Variants in MFAP3L observed in about 807,000 individuals in gnomAD.
MFAP3L encodes microfibril associated protein 3 like, also known as microfibrillar-associated protein 3-like.
Under a neutral mutation model 20.0 loss-of-function variants are expected in MFAP3L, and 5 were observed. That is an observed-to-expected ratio of 0.25 (90% CI 0.13 to 0.53). The LOEUF is 0.53. Among genes scored for constraint, MFAP3L ranks in the 20% least tolerant of loss-of-function variants. MFAP3L has a pLI of 0.96. For missense variants in MFAP3L, 409 were observed against 527.5 expected (o/e 0.78, Z 2.20); for synonymous variants, 219 against 213.0 (o/e 1.03, Z -0.25).
chr4:170,024,541 C>A (rs1740234876), intron 1 of MFAP3L, among the ~76,000 whole-genome samples: 1 of 152,134 alleles, frequency 6.6e-6, no homozygotes, highest in Non-Finnish European at 1.5e-5. Flanking sequence ...AAGAGAAGCA[C>A]AATTATTCAA....
chr4:169,999,493 A>G (rs1375399331), intron 2 of MFAP3L, among the ~76,000 whole-genome samples: 3 of 152,338 alleles, frequency 2.0e-5, no homozygotes, highest in East Asian at 1.9e-4. Context: ...TCCATAGAAC[A>G]TGGAATCATA....
At chr4:170,018,276 C>T (rs575980374) in intron 1 of MFAP3L, among the ~76,000 whole-genome samples, 3 of 152,130 alleles carry the variant, frequency 2.0e-5, no homozygotes, top group East Asian at 1.9e-4. Context: ...GAAAGAAACA[C>T]GGCACGCAAG....
chr4:170,008,846 G>A (rs184720162), intron 1 of MFAP3L, among the ~76,000 whole-genome samples: 1 of 152,224 alleles, frequency 6.6e-6, no homozygotes, highest in Non-Finnish European at 1.5e-5. Context: ...GACAGCTCCT[G>A]GATAGCAAAA....
intron 2 of MFAP3L, chr4:170,003,543 T>C (rs747799864): frequency 2.6e-4 from 89 of 337,388 alleles, no homozygotes; most frequent in Admixed American, 2.5e-3. Flanking sequence ...TACTACACTT[T>C]GGGATAATCC....
chr4:169,996,029 A>C (rs1424892430), intron 2 of MFAP3L, among the ~76,000 whole-genome samples: 3 of 89,946 alleles, frequency 3.3e-5, no homozygotes, highest in African/African-American at 1.4e-4. Context: ...CCCACCCTGA[A>C]ATACCCTTCC....
At chr4:169,995,160 T>G (rs1208529772) in intron 2 of MFAP3L, 2 of 152,190 alleles carry the variant, frequency 1.3e-5, no homozygotes, top group Non-Finnish European at 2.9e-5. Flanking sequence ...CACTTAGAAT[T>G]CTGGGTGAGA....
intron 1 of MFAP3L, among the ~76,000 whole-genome samples, chr4:170,011,200 A>C (rs1391436176): frequency 1.3e-5 from 2 of 152,214 alleles, no homozygotes; most frequent in Non-Finnish European, 2.9e-5. Flanking sequence ...TTGCTTTATA[A>C]ATTACCCAGT....
intron 2 of MFAP3L, chr4:169,994,204 T>C (rs1271624913): frequency 8.1e-6 from 8 of 985,252 alleles, no homozygotes; most frequent in Non-Finnish European, 9.6e-6. Flanking sequence ...TACCTTCCTT[T>C]TGTTGGAAAA....
Position 170,026,297 on chromosome 4 carries a change from G to A in MFAP3L, c.-197C>T. On this transcript the variant is annotated 5_prime_UTR_variant, in exon 1 of 3. Transcript: ENST00000361618. ...CCTCGCCATGGCCAGCCCGACAGCG[G>A]CCGCTGCGCCGCACTCTGCGCCGGA... The A allele has an allele frequency of 1.0e-6, 1 of 983,840 alleles. No individual in the cohort carries two copies. The highest frequency in any genetic ancestry group is 1.2e-6 in the Non-Finnish European group (1 of 829,286). The allele number at this position is 983,840 out of a possible 1,614,324, so 60.9% of individuals were successfully genotyped here.
intron 1 of MFAP3L, among the ~76,000 whole-genome samples, chr4:170,014,266 G>T (rs1429962296): frequency 1.3e-5 from 2 of 152,154 alleles, no homozygotes; most frequent in Non-Finnish European, 2.9e-5. Context: ...GTGAATTTAT[G>T]TCACCTGCTA....
chr4:169,990,482 T>C lies in MFAP3L; in HGVS notation c.*896A>G, dbSNP rs1310928967. On this transcript the variant is annotated 3_prime_UTR_variant, in exon 3 of 3. Coordinates refer to ENST00000361618, the MANE Select transcript of MFAP3L (RefSeq NM_021647.8). ...ATATATTTTCCAGGTAAAGAATCAG[T>C]CTTTATTTGGAGGATGATGTAACTT... 1 of 152,574 alleles carries C rather than the reference T, an allele frequency of 6.6e-6. No homozygotes were observed. Among genetic ancestry groups the C allele is most frequent in the Admixed American group, 6.6e-5 (1 of 15,266 alleles). The allele number at this position is 152,574 out of a possible 1,614,324, so 9.5% of individuals were successfully genotyped here. A position where few individuals can be genotyped will look rare whatever the true frequency, so the allele number is the denominator to read the frequency against.
chr4:169,991,265 T>G lies in MFAP3L; in HGVS notation c.*113A>C. ...TCTCCTTTTAAAGTGGCATCACTCC[T>G]ACCTAAGGGATGAGAGTCTCCTGGT... On this transcript the variant is annotated 3_prime_UTR_variant, in exon 3 of 3. Transcript: ENST00000361618. The surrounding 1 kb of genome is among the most constrained non-coding windows in gnomAD (Gnocchi z 4.9). The G allele has an allele frequency of 2.6e-6, 3 of 1,144,116 alleles. No homozygotes were observed. The highest frequency in any genetic ancestry group is 3.7e-6 in the Non-Finnish European group (3 of 807,236). The allele number at this position is 1,144,116 out of a possible 1,614,324, so 70.9% of individuals were successfully genotyped here. A position where few individuals can be genotyped will look rare whatever the true frequency, so the allele number is the denominator to read the frequency against.
At chr4:170,022,251 G>C (rs1740081816) in intron 1 of MFAP3L, among the ~76,000 whole-genome samples, 1 of 152,190 alleles carries the variant, frequency 6.6e-6, no homozygotes, top group Non-Finnish European at 1.5e-5. Context: ...GCTGGTTCCA[G>C]ACCTCTACTG....
At chr4:170,001,828 G>A in intron 2 of MFAP3L, 1 of 715,560 alleles carries the variant, frequency 1.4e-6, no homozygotes, top group Non-Finnish European at 1.7e-6. Flanking sequence ...TCACACATTA[G>A]CCTCTCCTGA....
Position 169,991,469 on chromosome 4 carries a change from T to C in MFAP3L, c.1139A>G (p.Asp380Gly). The C allele has an allele frequency of 6.2e-7, 1 of 1,614,182 alleles. No individual in the cohort carries two copies. The highest frequency in any genetic ancestry group is 8.5e-7 in the Non-Finnish European group (1 of 1,180,028). ...SEEPTPVEVPDKVLPPAYLEA... is the reference protein window; with the variant it reads ...SEEPTPVEVPGKVLPPAYLEA... ...CAGGTAAGCTGGCGGCAGTACCTTA[T>C]CTGGTACCTCAACAGGTGTTGGCTC... Residue 380 changes from aspartate (D) to glycine (G), a missense_variant, in exon 3 of 3, where the codon GAT becomes GGT. By Grantham distance (94) the Asp-to-Gly change is moderately conservative (BLOSUM62 -1). Coordinates refer to ENST00000361618, the MANE Select transcript of MFAP3L (RefSeq NM_021647.8). This position sits in a 1 kb window ranked among gnomAD's most constrained non-coding sequence, Gnocchi z 4.9.
rs1056901085 is a variant in MFAP3L, at chr4:170,016,044, T to G, written c.-133-10034A>C. ...TTTTATCATTAACATAATTGTCCCA[T>G]TAAAAAAAAGAGTTGGTATTCAAAT... On this transcript the variant is annotated intron_variant, in intron 1 of 2. Coordinates refer to ENST00000361618, the MANE Select transcript of MFAP3L (RefSeq NM_021647.8). 5.3e-5 allele frequency among the ~76,000 whole-genome samples: 8 copies of G among 152,084 alleles called. No homozygotes were observed. In the South Asian group the frequency reaches 1.7e-3, roughly 32 times the overall value.
intron 1 of MFAP3L, among the ~76,000 whole-genome samples, chr4:170,013,896 G>A (rs1038947195): frequency 2.0e-5 from 3 of 152,204 alleles, no homozygotes; most frequent in African/African-American, 7.2e-5. Flanking sequence ...TGATCAGAGA[G>A]ACATTTCTCC....
chr4:169,992,316 G>T lies in MFAP3L; in HGVS notation c.299-7C>A. 2 of 1,594,992 alleles carry T rather than the reference G, an allele frequency of 1.3e-6. No homozygotes were observed. Among genetic ancestry groups the T allele is most frequent in the South Asian group, 1.1e-5 (1 of 88,280 alleles). On this transcript the variant is annotated splice_region_variant and splice_polypyrimidine_tract_variant and intron_variant, in intron 2 of 2. Transcript: ENST00000361618. This position sits in a 1 kb window ranked among gnomAD's most constrained non-coding sequence, Gnocchi z 4.3. ...TCGTGCATTTGCCATTTTCCTGTCG[G>T]AAGGGAGAGAAGAGAATTCAACCAA...
chr4:170,012,736 C>T (rs1313823494), intron 1 of MFAP3L, among the ~76,000 whole-genome samples: 2 of 152,182 alleles, frequency 1.3e-5, no homozygotes, highest in African/African-American at 4.8e-5. Context: ...TCAGGAGAGA[C>T]CTCATGGCAT....
Sources: gnomAD v4.1 joint callset for allele counts (sites outside exome capture counted in the v4.1 genomes callset) on GRCh38, gnomAD v4.1.1 for gene constraint, Gnocchi (gnomAD v3.1) non-coding constraint, MANE v1.5 for transcripts, NCBI Gene and HGNC (gene_info 2026-07-23, HGNC 2026-07-21) for gene names.